MTF2: variants seen among roughly 807,000 people sequenced by gnomAD.
MTF2 encodes the protein metal response element binding transcription factor 2, also known as metal-response element-binding transcription factor 2.
A neutral mutation model predicts 79.5 loss-of-function variants in MTF2; 11 were observed. The ratio of observed to expected loss-of-function variants is 0.14; its 90% CI spans 0.09 to 0.23. MTF2 has a LOEUF of 0.23. Ranked by LOEUF, MTF2 falls within the 10% of genes least tolerant of loss-of-function variation. MTF2 has a pLI of 1.00. For missense variants in MTF2, 486 were observed against 711.2 expected (o/e 0.68, Z 3.60); for synonymous variants, 208 against 232.8 (o/e 0.89, Z 0.97).
chr1:93,105,768 C>T (rs775511878), intron 1 of MTF2, among the ~76,000 whole-genome samples: 2 of 151,908 alleles, frequency 1.3e-5, no homozygotes, highest in African/African-American at 4.8e-5. Flanking sequence ...CTCCACCTCC[C>T]GGGTTCAAGC....
At position 93,110,553 on chromosome 1, in the gene MTF2, A is replaced by G. The variant is rs748291301; in HGVS notation, c.213A>G (p.Ile71Met). ...FYLGTIKKIN[I>M]LKQSCFIIFE... ...ATTTCTCTGTATTGCAGATAAACAT[A>G]TTGAAACAGAGCTGCTTCATCATAT... The change falls in exon 3 of 15, where the codon ATA (isoleucine) becomes ATG (methionine). Residue 71 changes from isoleucine to methionine, a missense_variant. Around this residue, in one of 4 missense-constraint regions of MTF2, gnomAD observed 75 missense variants for 83.8 expected, o/e 0.89. Transcript: ENST00000370298. 5.0e-6 allele frequency: 8 copies of G among 1,613,068 alleles called. No individual in the cohort carries two copies. Among genetic ancestry groups the G allele is most frequent in the Non-Finnish European group, 1.7e-6 (2 of 1,179,206 alleles).
At chr1:93,135,728 T>C (rs951731543) in intron 14 of MTF2, among the ~76,000 whole-genome samples, 1 of 152,214 alleles carries the variant, frequency 6.6e-6, no homozygotes, top group African/African-American at 2.4e-5. Flanking sequence ...GGAGGATTAC[T>C]TGAGCCCAGG....
chr1:93,088,135 G>C (rs139841474), intron 1 of MTF2, among the ~76,000 whole-genome samples: 1 of 152,026 alleles, frequency 6.6e-6, no homozygotes, highest in African/African-American at 2.4e-5. Flanking sequence ...TTGGTCTTAG[G>C]ACCAGAGTCT....
At chr1:93,105,561 A>T (rs919152562) in intron 1 of MTF2, among the ~76,000 whole-genome samples, 4 of 152,240 alleles carry the variant, frequency 2.6e-5, no homozygotes, top group African/African-American at 9.6e-5. Context: ...TCTCTAAAGC[A>T]GTGATCTGAG....
intron 1 of MTF2, among the ~76,000 whole-genome samples, chr1:93,093,855 G>C (rs1042785212): frequency 1.3e-5 from 2 of 152,104 alleles, no homozygotes; most frequent in Admixed American, 1.3e-4. Flanking sequence ...CTACAGGAGT[G>C]TGCCACTGTA....
intron 1 of MTF2, among the ~76,000 whole-genome samples, chr1:93,093,279 A>C (rs1655148130): frequency 6.6e-6 from 1 of 152,184 alleles, no homozygotes; most frequent in South Asian, 2.1e-4. Flanking sequence ...AAATTGCCTC[A>C]TTAAAAAACA....
chr1:93,105,366 T>G (rs1424642141), intron 1 of MTF2, among the ~76,000 whole-genome samples: 1 of 152,070 alleles, frequency 6.6e-6, no homozygotes, highest in African/African-American at 2.4e-5. Flanking sequence ...CTACCCCCCA[T>G]CCCCAAGATC....
intron 1 of MTF2, among the ~76,000 whole-genome samples, chr1:93,089,189 G>T (rs1654971789): frequency 6.6e-6 from 1 of 152,114 alleles, no homozygotes; most frequent in African/African-American, 2.4e-5. Context: ...TCTGCTTTTA[G>T]TTGCAATTTT....
chr1:93,111,411 A>G (rs998339632), intron 3 of MTF2, among the ~76,000 whole-genome samples: 4 of 152,164 alleles, frequency 2.6e-5, no homozygotes, highest in African/African-American at 7.2e-5. Context: ...TTTTCTCCCT[A>G]AAGGGTAGAC....
intron 3 of MTF2, among the ~76,000 whole-genome samples, chr1:93,113,638 G>A (rs1485313205): frequency 6.6e-6 from 1 of 152,088 alleles, no homozygotes. Context: ...AGTGAAAAAT[G>A]CTTTTGATAG....
intron 1 of MTF2, among the ~76,000 whole-genome samples, chr1:93,106,139 G>A (rs747852144): frequency 3.7e-4 from 56 of 152,102 alleles, no homozygotes; most frequent in Admixed American, 9.8e-4. Flanking sequence ...TTGAGACACA[G>A]CACACCAGAA....
chr1:93,105,187 G>A (rs1405634991), intron 1 of MTF2, among the ~76,000 whole-genome samples: 1 of 152,022 alleles, frequency 6.6e-6, no homozygotes, highest in Non-Finnish European at 1.5e-5. Flanking sequence ...TGTTTGGGGG[G>A]AGGTTAGTGG....
chr1:93,092,593 T>A (rs928467214), intron 1 of MTF2, among the ~76,000 whole-genome samples: 4 of 152,124 alleles, frequency 2.6e-5, no homozygotes, highest in Non-Finnish European at 4.4e-5. Context: ...ATTTTATATA[T>A]TTTTTATAAT....
intron 1 of MTF2, among the ~76,000 whole-genome samples, chr1:93,091,119 C>G (rs941568400): frequency 6.6e-6 from 1 of 152,104 alleles, no homozygotes; most frequent in Non-Finnish European, 1.5e-5. Context: ...ACTTCTAAAC[C>G]CCATGCAGTC....
chr1:93,112,140 C>A (rs1321161579), intron 3 of MTF2, among the ~76,000 whole-genome samples: 3 of 152,150 alleles, frequency 2.0e-5, no homozygotes, highest in Admixed American at 6.5e-5. Flanking sequence ...TTCACTGGTT[C>A]CTTTTGCTGT....
chr1:93,093,006 T>C (rs1448734152), intron 1 of MTF2, among the ~76,000 whole-genome samples: 1 of 151,770 alleles, frequency 6.6e-6, no homozygotes, highest in Non-Finnish European at 1.5e-5. Context: ...CACGGTGAAA[T>C]CCTGTCTCTA....
At chr1:93,127,342 A>G (rs1656740958) in intron 10 of MTF2, 43 bp downstream of exon 10, 1 of 1,229,338 alleles carries the variant, frequency 8.1e-7, no homozygotes, top group Non-Finnish European at 1.2e-6. Context: ...GGAGACATTT[A>G]GTAAGTATAA....
intron 1 of MTF2, among the ~76,000 whole-genome samples, chr1:93,101,003 G>T (rs1398978205): frequency 1.3e-5 from 2 of 152,234 alleles, no homozygotes; most frequent in Non-Finnish European, 2.9e-5. Flanking sequence ...GGGAAGGGAA[G>T]AAATTGTGGG....
chr1:93,128,378 TG>T (rs1656782942), intron 10 of MTF2, among the ~76,000 whole-genome samples: 1 of 151,762 alleles, frequency 6.6e-6, no homozygotes. Context: ...GCCAACATGG[TG>T]AAACCCTGTC....
Sources: gnomAD v4.1 joint callset for allele counts (sites outside exome capture counted in the v4.1 genomes callset) on GRCh38, gnomAD v4.1.1 for gene constraint, gnomAD v4.1.1 regional missense constraint, MANE v1.5 for transcripts, NCBI Gene and HGNC (gene_info 2026-07-23, HGNC 2026-07-21) for gene names.